The following FGGY variants were observed in gnomAD, a reference collection of about 807,000 sequenced individuals.
FGGY encodes the protein FGGY carbohydrate kinase domain containing, also known as FGGY carbohydrate kinase domain-containing protein.
A neutral mutation model predicts 71.3 loss-of-function variants in FGGY; 72 were observed. The observed-to-expected ratio is 1.01, with a 90% CI of 0.84 to 1.23. The LOEUF (loss-of-function observed/expected upper bound fraction) is 1.23. Ranked by LOEUF, FGGY falls within the 50% of genes most tolerant of loss-of-function variation. The probability of loss-of-function intolerance (pLI) is 0.00; values close to 1 mark genes in which losing one functional copy is unlikely to be tolerated. For synonymous variants in FGGY, 251 were observed against 250.3 expected, an observed-to-expected ratio of 1.00 and a Z score of -0.02; for missense variants, 668 against 682.3, an observed-to-expected ratio of 0.98 and a Z score of 0.23.
chr1:59,501,704 C>T (rs2094229390), intron 6 of FGGY, among the ~76,000 whole-genome samples: 1 of 152,208 alleles, frequency 6.6e-6, no homozygotes, highest in Non-Finnish European at 1.5e-5. Flanking sequence ...GCATTTCCCT[C>T]TGAAGGCATG....
chr1:59,381,696 G>T (rs907539326), intron 5 of FGGY, among the ~76,000 whole-genome samples: 2 of 150,300 alleles, frequency 1.3e-5, no homozygotes. Flanking sequence ...ATATTAACTA[G>T]GAGATACATT....
At chr1:59,663,399 G>A (rs2097295673) in intron 12 of FGGY, among the ~76,000 whole-genome samples, 1 of 152,092 alleles carries the variant, frequency 6.6e-6, no homozygotes, top group African/African-American at 2.4e-5. Flanking sequence ...ATATATATTA[G>A]AAAATATCAT....
At chr1:59,462,009 A>G (rs1300872500) in intron 6 of FGGY, among the ~76,000 whole-genome samples, 1 of 141,810 alleles carries the variant, frequency 7.1e-6, no homozygotes, top group African/African-American at 2.6e-5. Context: ...CCAGAGTGTG[A>G]TGTTCCCCTT....
chr1:59,584,514 G>A (rs1437167538), intron 8 of FGGY, among the ~76,000 whole-genome samples: 4 of 149,824 alleles, frequency 2.7e-5, no homozygotes, highest in Non-Finnish European at 5.9e-5. Flanking sequence ...TTGATGGGAC[G>A]TATCTCAAAA....
At chr1:59,642,794 G>A (rs1423617193) in intron 11 of FGGY, among the ~76,000 whole-genome samples, 1 of 151,888 alleles carries the variant, frequency 6.6e-6, no homozygotes, top group African/African-American at 2.4e-5. Flanking sequence ...CACTTTGGGA[G>A]GCCGAAGCGG....
At chr1:59,626,645 C>G (rs1160597602) in intron 10 of FGGY, 1 of 152,188 alleles carries the variant, frequency 6.6e-6, no homozygotes. Flanking sequence ...ATCACGAGTT[C>G]AGAGATCGAG....
chr1:59,484,246 C>A (rs1166763634), intron 6 of FGGY, among the ~76,000 whole-genome samples: 1 of 152,162 alleles, frequency 6.6e-6, no homozygotes, highest in African/African-American at 2.4e-5. Context: ...TCAATCCCTG[C>A]ATTTTTCATA....
chr1:59,747,894 G>A (rs2098213854), intron 14 of FGGY, among the ~76,000 whole-genome samples: 1 of 152,170 alleles, frequency 6.6e-6, no homozygotes, highest in Non-Finnish European at 1.5e-5. Context: ...TTGACTGTGA[G>A]CTTCTTAAGG....
At chr1:59,741,960 C>T (rs1216938420) in intron 14 of FGGY, among the ~76,000 whole-genome samples, 4 of 144,890 alleles carry the variant, frequency 2.8e-5, no homozygotes, top group African/African-American at 7.6e-5. Context: ...AAAAAAAAGC[C>T]AGTCACCGTG....
chr1:59,456,905 T>C (rs2091755669), intron 5 of FGGY, 56 bp from the exon 6 acceptor site: 10 of 1,318,946 alleles, frequency 7.6e-6, no homozygotes, highest in Non-Finnish European at 8.7e-6. Context: ...TTGCAAAATA[T>C]AAAGGAAGCC....
chr1:59,493,520 G>C (rs1438070281), intron 6 of FGGY, among the ~76,000 whole-genome samples: 1 of 152,148 alleles, frequency 6.6e-6, no homozygotes, highest in Non-Finnish European at 1.5e-5. Flanking sequence ...TATGTTAAAT[G>C]AAATAAGGCA....
chr1:59,594,590 A>G (rs571315460), intron 8 of FGGY, among the ~76,000 whole-genome samples: 6 of 152,334 alleles, frequency 3.9e-5, no homozygotes, highest in African/African-American at 1.4e-4. Context: ...AGCACTAGGC[A>G]TGGAGGGGTG....
At chr1:59,614,650 G>T (rs1471076499) in intron 9 of FGGY, among the ~76,000 whole-genome samples, 1 of 152,088 alleles carries the variant, frequency 6.6e-6, no homozygotes, top group African/African-American at 2.4e-5. Flanking sequence ...TCTGGTCAGG[G>T]CAATCAGGCA....
At chr1:59,634,335 A>AG (rs2096935927) in intron 10 of FGGY, among the ~76,000 whole-genome samples, 1 of 152,150 alleles carries the variant, frequency 6.6e-6, no homozygotes, top group African/African-American at 2.4e-5. Flanking sequence ...TGAACCCAGG[A>AG]GGCAGAGGTT....
chr1:59,671,861 G>A (rs1175844031), intron 13 of FGGY, among the ~76,000 whole-genome samples: 1 of 152,102 alleles, frequency 6.6e-6, no homozygotes, highest in Admixed American at 6.6e-5. Context: ...TCAAACCCTG[G>A]CAGTCTGGGT....
At chr1:59,693,700 A>G (rs757282525) in intron 14 of FGGY, among the ~76,000 whole-genome samples, 5 of 152,080 alleles carry the variant, frequency 3.3e-5, no homozygotes, top group Non-Finnish European at 7.4e-5. Context: ...TTGAAGTCAT[A>G]TACGTGCACA....
chr1:59,604,532 CA>C (rs2096605536), intron 8 of FGGY, among the ~76,000 whole-genome samples: 1 of 152,230 alleles, frequency 6.6e-6, no homozygotes, highest in Non-Finnish European at 1.5e-5. Context: ...AGCAAAGCAG[CA>C]AAGCCACAAT....
chr1:59,706,091 G>A (rs1208239582), intron 14 of FGGY, among the ~76,000 whole-genome samples: 1 of 152,174 alleles, frequency 6.6e-6, no homozygotes, highest in Non-Finnish European at 1.5e-5. Context: ...CTGTCTACGT[G>A]GGTGGAGAGT....
At chr1:59,416,456 T>C (rs2064444231) in intron 5 of FGGY, among the ~76,000 whole-genome samples, 1 of 152,186 alleles carries the variant, frequency 6.6e-6, no homozygotes, top group African/African-American at 2.4e-5. Flanking sequence ...ATTTAGTAGT[T>C]ATGCACCAGG....
Sources: gnomAD v4.1 joint callset for allele counts (sites outside exome capture counted in the v4.1 genomes callset) on GRCh38, gnomAD v4.1.1 for gene constraint, MANE v1.5 for transcripts, NCBI Gene and HGNC (gene_info 2026-07-23, HGNC 2026-07-21) for gene names.